The following FANCD2OS variants were observed in gnomAD, a reference collection of about 807,000 sequenced individuals.
FANCD2OS encodes FANCD2 opposite strand.
A neutral mutation model predicts 13.2 loss-of-function variants in FANCD2OS; 11 were observed. The ratio of observed to expected loss-of-function variants is 0.83; its 90% CI spans 0.52 to 1.38. FANCD2OS has a LOEUF of 1.38. Ranked by LOEUF, FANCD2OS falls within the 40% of genes most tolerant of loss-of-function variation. The probability of loss-of-function intolerance (pLI) is 0.00; values close to 1 mark genes in which losing one functional copy is unlikely to be tolerated. For missense variants in FANCD2OS, 217 were observed against 213.9 expected (o/e 1.01, Z -0.09); for synonymous variants, 69 against 84.5 (o/e 0.82, Z 1.01).
At chr3:10,105,780 A>C (rs1365953559) in intron 1 of FANCD2OS, among the ~76,000 whole-genome samples, 1 of 32,584 alleles carries the variant, frequency 3.1e-5, no homozygotes, top group African/African-American at 2.8e-4. Context: ...AATTATATAT[A>C]TATATATATA....
intron 2 of FANCD2OS, among the ~76,000 whole-genome samples, chr3:10,096,850 A>C (rs1291873870): frequency 6.6e-6 from 1 of 152,172 alleles, no homozygotes; most frequent in African/African-American, 2.4e-5. Flanking sequence ...CCCCTAAGCC[A>C]ATCTGTCTTA....
At chr3:10,088,587 A>G (rs377716703) in intron 2 of FANCD2OS, 13 of 1,347,152 alleles carry the variant, frequency 9.6e-6, no homozygotes, top group African/African-American at 1.4e-5. Flanking sequence ...GCTTTTTTCT[A>G]TTTTGCTACT....
chr3:10,104,837 A>T, intron 1 of FANCD2OS, 55 bp from the exon 2 acceptor site: 1 of 1,471,814 alleles, frequency 6.8e-7, no homozygotes, highest in Non-Finnish European at 9.1e-7. Context: ...TCATGAGAGC[A>T]TGGCCTTTCA....
At chr3:10,096,483 G>T (rs1261356240) in intron 2 of FANCD2OS, 1 of 1,613,332 alleles carries the variant, frequency 6.2e-7, no homozygotes, top group South Asian at 1.1e-5. Flanking sequence ...GTAAGCCTTG[G>T]ATCCTGCTAG....
chr3:10,095,002 C>G, intron 2 of FANCD2OS: 1 of 609,536 alleles, frequency 1.6e-6, no homozygotes, highest in Non-Finnish European at 3.0e-6. Context: ...CAGATTGATA[C>G]AAGGGACAGA....
chr3:10,105,092 A>G (rs912465248), intron 1 of FANCD2OS, among the ~76,000 whole-genome samples: 31 of 152,106 alleles, frequency 2.0e-4, no homozygotes, highest in Non-Finnish European at 1.2e-4. Flanking sequence ...ACCTCAGGTG[A>G]TCCACCGCCT....
chr3:10,085,969 A>G (rs372015176), intron 2 of FANCD2OS: 48 of 1,328,578 alleles, frequency 3.6e-5, no homozygotes, highest in Middle Eastern at 1.8e-4. Flanking sequence ...AGAAACTCCT[A>G]GGAACAGGAT....
chr3:10,081,951 G>T (rs573694583), intron 2 of FANCD2OS, among the ~76,000 whole-genome samples: 4 of 152,208 alleles, frequency 2.6e-5, no homozygotes, highest in Non-Finnish European at 5.9e-5. Context: ...GTTCCTCAGG[G>T]ACAGGCGTTG....
At chr3:10,102,143 C>CTT (rs747148572), downstream of FANCD2OS, among the ~76,000 whole-genome samples, 9 of 133,194 alleles carry the variant, frequency 6.8e-5, no homozygotes, top group African/African-American at 2.0e-4. Flanking sequence ...ATCTTCTTTC[C>CTT]TTTTTTTTTT....
At chr3:10,105,775 TATATATATATATA>T (rs1695474545) in intron 1 of FANCD2OS, among the ~76,000 whole-genome samples, 1 of 10,258 alleles carries the variant, frequency 9.7e-5, no homozygotes, top group East Asian at 2.9e-3. Flanking sequence ...AAAAAAATTA[TATATATATATATA>T]TATATATATA....
chr3:10,083,006 C>T (rs910010347), intron 2 of FANCD2OS, among the ~76,000 whole-genome samples: 5 of 152,144 alleles, frequency 3.3e-5, no homozygotes, highest in Non-Finnish European at 7.3e-5. Context: ...GTGGGTGGAT[C>T]ACTTGAGCTC....
intron 2 of FANCD2OS, chr3:10,086,069 A>G (rs1694181138): frequency 1.5e-6 from 1 of 683,140 alleles, no homozygotes; most frequent in Non-Finnish European, 2.7e-6. Context: ...GAGCTTTCTC[A>G]TCTATGTATT....
chr3:10,092,313 C>A, intron 2 of FANCD2OS: 1 of 1,314,056 alleles, frequency 7.6e-7, no homozygotes, highest in Non-Finnish European at 1.1e-6. Context: ...AGTGTCCTGG[C>A]TTCCAAAATG....
chr3:10,092,334 G>A lies in FANCD2OS; in HGVS notation c.*44-10803C>T, dbSNP rs983077153. 9 of 1,057,508 alleles carry A rather than the reference G, an allele frequency of 8.5e-6. No homozygotes were observed. In the Admixed American group the frequency reaches 1.0e-4, roughly 12 times the overall value. The allele number at this position is 1,057,508 out of a possible 1,614,324, so 65.5% of individuals were successfully genotyped here. A position where few individuals can be genotyped will look rare whatever the true frequency, so the allele number is the denominator to read the frequency against. ...CTGGCTTCCAAAATGGACTTTCCTT[G>A]CTCCTCTTCCCACTCTTCCTTGGGG... On this transcript the variant is annotated intron_variant, in intron 2 of 2. Coordinates refer to the FANCD2OS transcript ENST00000524279.
chr3:10,096,745 C>T (rs372595278), intron 2 of FANCD2OS, among the ~76,000 whole-genome samples: 1 of 152,322 alleles, frequency 6.6e-6, no homozygotes, highest in Non-Finnish European at 1.5e-5. Flanking sequence ...ACAAACCTCT[C>T]TCCACAGCTA....
chr3:10,091,016 G>A (rs1464570218), intron 2 of FANCD2OS, among the ~76,000 whole-genome samples: 1 of 151,926 alleles, frequency 6.6e-6, no homozygotes, highest in Non-Finnish European at 1.5e-5. Context: ...CCAGAACGGA[G>A]CTAGACAAGT....
At chr3:10,106,333 C>T (rs2125111903) in intron 1 of FANCD2OS, among the ~76,000 whole-genome samples, 1 of 152,272 alleles carries the variant, frequency 6.6e-6, no homozygotes, top group South Asian at 2.1e-4. Context: ...ATATTGCTAA[C>T]TGAAAATTTA....
At chr3:10,101,375 C>CT, downstream of FANCD2OS, 11 of 581,570 alleles carry the variant, frequency 1.9e-5, no homozygotes, top group South Asian at 5.9e-5. Flanking sequence ...TTTTTTGTTC[C>CT]TCTTTTTTTT....
In FANCD2OS at chr3:10,096,425, T is replaced by C. The variant is rs755572622; in HGVS notation, c.*43+7773A>G. 5.6e-6 allele frequency: 9 copies of C among 1,614,134 alleles called. No homozygotes were observed. Among genetic ancestry groups the C allele is most frequent in the Non-Finnish European group, 7.6e-6 (9 of 1,180,014 alleles). On this transcript the variant is annotated intron_variant, in intron 2 of 2. Transcript: ENST00000524279. ...CAAAGCTATGCTCACTCTCAACAATTGTAGAGAGGCTTTCTGGCTGGGCAA... is the reference window on the plus strand; with the variant it reads ...CAAAGCTATGCTCACTCTCAACAATCGTAGAGAGGCTTTCTGGCTGGGCAA...
Sources: gnomAD v4.1 joint callset for allele counts (sites outside exome capture counted in the v4.1 genomes callset) on GRCh38, gnomAD v4.1.1 for gene constraint, MANE v1.5 for transcripts, NCBI Gene and HGNC (gene_info 2026-07-23, HGNC 2026-07-21) for gene names.